The following RAB3B variants were observed in gnomAD, a reference collection of about 807,000 sequenced individuals.
RAB3B encodes the protein ras-related protein Rab-3B.
A neutral mutation model predicts 20.5 loss-of-function variants in RAB3B; 11 were observed. That is an observed-to-expected ratio of 0.54 (90% CI 0.34 to 0.89). RAB3B has a LOEUF of 0.89. Among genes scored for constraint, RAB3B ranks in the 40% least tolerant of loss-of-function variants. The probability of loss-of-function intolerance (pLI) is 0.02; values close to 1 mark genes in which losing one functional copy is unlikely to be tolerated. For missense variants in RAB3B, 225 were observed against 280.9 expected, an observed-to-expected ratio of 0.80 and a Z score of 1.42; for synonymous variants, 99 against 106.3, an observed-to-expected ratio of 0.93 and a Z score of 0.42.
chr1:51,942,073 G>T (rs990199706), intron 2 of RAB3B, among the ~76,000 whole-genome samples: 5 of 152,324 alleles, frequency 3.3e-5, no homozygotes, highest in Non-Finnish European at 7.4e-5. Context: ...GCTCCTCAGA[G>T]CCAACTCCAA....
intron 2 of RAB3B, 100 bp downstream of exon 2, chr1:51,976,790 G>T: frequency 9.7e-7 from 1 of 1,033,252 alleles, no homozygotes. Context: ...GCCTGATGCT[G>T]TAAGGCCCAG....
chr1:51,980,171 G>A (rs1685068209), intron 1 of RAB3B, among the ~76,000 whole-genome samples: 1 of 152,130 alleles, frequency 6.6e-6, no homozygotes, highest in Non-Finnish European at 1.5e-5. Context: ...GCTCACACCT[G>A]TAATCCCAGA....
At chr1:51,923,700 G>T (rs986567433) in intron 4 of RAB3B, among the ~76,000 whole-genome samples, 3 of 146,322 alleles carry the variant, frequency 2.1e-5, no homozygotes, top group Non-Finnish European at 4.5e-5. Flanking sequence ...GGGCGACAGA[G>T]TGAGACTCTG....
At chr1:51,979,791 C>A (rs1685059838) in intron 1 of RAB3B, among the ~76,000 whole-genome samples, 1 of 151,982 alleles carries the variant, frequency 6.6e-6, no homozygotes, top group Non-Finnish European at 1.5e-5. Flanking sequence ...CGCCTGTAAT[C>A]CCAGCACTTT....
At chr1:51,960,107 G>A (rs1408873087) in intron 2 of RAB3B, among the ~76,000 whole-genome samples, 1 of 152,166 alleles carries the variant, frequency 6.6e-6, no homozygotes. Flanking sequence ...GTGCCACCGG[G>A]CAGCTGCAGT....
At chr1:51,920,210 A>C in intron 4 of RAB3B, 96 bp from the exon 5 acceptor site, 1 of 1,070,562 alleles carries the variant, frequency 9.3e-7, no homozygotes, top group Non-Finnish European at 1.3e-6. Context: ...TAATATGTCC[A>C]GTGCTCAGCA....
At chr1:51,971,346 G>T (rs1332905575) in intron 2 of RAB3B, among the ~76,000 whole-genome samples, 1 of 151,872 alleles carries the variant, frequency 6.6e-6, no homozygotes, top group African/African-American at 2.4e-5. Flanking sequence ...ATCCTTGGGG[G>T]ATAAGTTCCA....
At chr1:51,941,927 C>T (rs147153134) in intron 2 of RAB3B, among the ~76,000 whole-genome samples, 4 of 152,318 alleles carry the variant, frequency 2.6e-5, no homozygotes, top group Admixed American at 1.3e-4. Flanking sequence ...AGGTTCTGAA[C>T]ATTTAACACT....
intron 2 of RAB3B, among the ~76,000 whole-genome samples, chr1:51,950,137 A>G (rs1684618729): frequency 1.3e-5 from 2 of 152,198 alleles, no homozygotes; most frequent in African/African-American, 2.4e-5. Flanking sequence ...GTTAAAAAGC[A>G]TTATTCAAAA....
chr1:51,929,474 C>T (rs978325616), intron 4 of RAB3B, among the ~76,000 whole-genome samples: 9 of 152,120 alleles, frequency 5.9e-5, no homozygotes, highest in African/African-American at 1.9e-4. Flanking sequence ...ACTACATGCT[C>T]GGCTAATTTT....
chr1:51,940,585 G>A (rs1486563445), intron 2 of RAB3B, among the ~76,000 whole-genome samples: 3 of 151,848 alleles, frequency 2.0e-5, no homozygotes, highest in East Asian at 1.9e-4. Flanking sequence ...TGGCATCATC[G>A]CATTCCAGCC....
At chr1:51,935,263 C>T (rs898995970) in intron 3 of RAB3B, among the ~76,000 whole-genome samples, 10 of 152,176 alleles carry the variant, frequency 6.6e-5, no homozygotes, top group African/African-American at 2.4e-4. Flanking sequence ...ATCTTACCAC[C>T]AACCTTCTCA....
chr1:51,965,692 A>T (rs527651882), intron 2 of RAB3B, among the ~76,000 whole-genome samples: 1 of 152,296 alleles, frequency 6.6e-6, no homozygotes, highest in East Asian at 1.9e-4. Flanking sequence ...GGTATATGTC[A>T]ATTGAAAAAA....
chr1:51,929,735 A>G (rs1399309110), intron 4 of RAB3B, among the ~76,000 whole-genome samples: 2 of 152,160 alleles, frequency 1.3e-5, no homozygotes, highest in Non-Finnish European at 2.9e-5. Context: ...CATAATTCAC[A>G]TACCATACAA....
chr1:51,928,391 G>A (rs1172352064), intron 4 of RAB3B, among the ~76,000 whole-genome samples: 2 of 152,316 alleles, frequency 1.3e-5, no homozygotes, highest in East Asian at 3.9e-4. Context: ...ACAGGCGTGA[G>A]CCACCAAGCC....
In RAB3B at chr1:51,977,211, A is replaced by T. The variant is rs1571979829; in HGVS notation, c.1-94T>A. 5 of 856,014 alleles carry T rather than the reference A, an allele frequency of 5.8e-6. No individual in the cohort carries two copies. The East Asian group carries it at 1.3e-4, about 22-fold the overall frequency. The allele number at this position is 856,014 out of a possible 1,614,324, so 53.0% of individuals were successfully genotyped here. ...TGGTCACCCCACCATTCACACACTC[A>T]CTCCTTACTCCAGCACCACTGAGGA... On this transcript the variant is annotated intron_variant, in intron 1 of 4. Coordinates refer to ENST00000371655, the MANE Select transcript of RAB3B (RefSeq NM_002867.4).
At chr1:51,964,528 T>C (rs1267193646) in intron 2 of RAB3B, among the ~76,000 whole-genome samples, 8 of 152,206 alleles carry the variant, frequency 5.3e-5, no homozygotes, top group Admixed American at 4.6e-4. Context: ...ATCCAACTGC[T>C]TATTCCATAT....
At chr1:51,926,715 T>C (rs1421340295) in intron 4 of RAB3B, among the ~76,000 whole-genome samples, 4 of 152,164 alleles carry the variant, frequency 2.6e-5, no homozygotes, top group Admixed American at 6.5e-5. Context: ...GAAAACACCA[T>C]TGGATGATAT....
intron 2 of RAB3B, among the ~76,000 whole-genome samples, chr1:51,961,040 T>G (rs1408367880): frequency 6.6e-6 from 1 of 152,204 alleles, no homozygotes; most frequent in Non-Finnish European, 1.5e-5. Flanking sequence ...AAACAGAGGT[T>G]CAGAGACATT....
Sources: gnomAD v4.1 joint callset for allele counts (sites outside exome capture counted in the v4.1 genomes callset) on GRCh38, gnomAD v4.1.1 for gene constraint, MANE v1.5 for transcripts, NCBI Gene and HGNC (gene_info 2026-07-23, HGNC 2026-07-21) for gene names.